C9: variants seen among roughly 807,000 people sequenced by gnomAD.
C9 encodes complement component C9.
Under a neutral mutation model 65.4 loss-of-function variants are expected in C9, and 63 were observed. The observed-to-expected ratio is 0.96, with a 90% CI of 0.79 to 1.19. The LOEUF (loss-of-function observed/expected upper bound fraction) is 1.19. Ranked by LOEUF, C9 falls within the 50% of genes most tolerant of loss-of-function variation. The pLI, the probability that C9 is intolerant of heterozygous loss-of-function variation, is 0.00. For synonymous variants in C9, 229 were observed against 227.9 expected (o/e 1.00, Z -0.04); for missense variants, 744 against 670.1 (o/e 1.11, Z -1.22).
chr5:39,306,320 C>G (rs1386673343), intron 9 of C9, among the ~76,000 whole-genome samples: 3 of 152,070 alleles, frequency 2.0e-5, no homozygotes, highest in African/African-American at 7.2e-5. Context: ...GCTGTATGCT[C>G]TATATAAGCA....
intron 5 of C9, among the ~76,000 whole-genome samples, chr5:39,318,826 C>T (rs932986596): frequency 6.6e-6 from 1 of 152,128 alleles, no homozygotes; most frequent in African/African-American, 2.4e-5. Flanking sequence ...GAAGAAACTG[C>T]CTAGCATAAC....
At chr5:39,349,558 C>T (rs536151728) in intron 1 of C9, among the ~76,000 whole-genome samples, 1 of 152,304 alleles carries the variant, frequency 6.6e-6, no homozygotes, top group Middle Eastern at 3.4e-3. Context: ...TCTAAATTCT[C>T]TTTTCTTTTA....
At chr5:39,331,609 A>T in intron 5 of C9, 67 bp downstream of exon 5, 2 of 1,325,172 alleles carry the variant, frequency 1.5e-6, no homozygotes, top group Non-Finnish European at 2.2e-6. Context: ...ATTGTTTGGT[A>T]CTAAACTTAT....
intron 5 of C9, among the ~76,000 whole-genome samples, chr5:39,326,540 C>T (rs762768457): frequency 2.0e-5 from 3 of 152,136 alleles, no homozygotes; most frequent in Admixed American, 6.6e-5. Flanking sequence ...TTTTGCTCTC[C>T]GGAGTGGCTC....
chr5:39,307,360 T>C (rs1423180134), intron 8 of C9, among the ~76,000 whole-genome samples: 1 of 152,174 alleles, frequency 6.6e-6, no homozygotes, highest in Non-Finnish European at 1.5e-5. Flanking sequence ...TTCAAGATAA[T>C]TTTTGTCATC....
chr5:39,289,590 A>G (rs700181), intron 9 of C9, among the ~76,000 whole-genome samples: 2,682 of 151,914 alleles, frequency 0.018, 95 homozygotes, highest in African/African-American at 0.062. Flanking sequence ...AACCATAGCT[A>G]GATATTTAGC....
intron 9 of C9, among the ~76,000 whole-genome samples, chr5:39,290,697 G>A (rs1431532831): frequency 6.6e-6 from 1 of 151,810 alleles, no homozygotes; most frequent in East Asian, 1.9e-4. Context: ...AATCCAAGAG[G>A]TGGGCCCAGT....
At chr5:39,305,527 A>C (rs1469341421) in intron 9 of C9, among the ~76,000 whole-genome samples, 2 of 152,160 alleles carry the variant, frequency 1.3e-5, no homozygotes, top group Non-Finnish European at 2.9e-5. Context: ...ACCTGAGGAA[A>C]GCAAATTGTA....
At chr5:39,340,280 C>T (rs984321818) in intron 4 of C9, among the ~76,000 whole-genome samples, 1 of 152,250 alleles carries the variant, frequency 6.6e-6, no homozygotes, top group African/African-American at 2.4e-5. Context: ...GAAATAAAGC[C>T]ATATACCATC....
chr5:39,341,571 A>G lies in C9; in HGVS notation c.313T>C (p.Phe105Leu). Residue 105 changes from phenylalanine (F) to leucine (L), a missense_variant, in exon 3 of 11, where the codon TTT becomes CTT. By Grantham distance (22) the Phe-to-Leu change is conservative. Coordinates refer to ENST00000263408, the MANE Select transcript of C9 (RefSeq NM_001737.5). ...EDAEDDCGND[F>L]QCSTGRCIKM... is the part of the protein sequence containing the mutation. ...CAAAGATTACCTGTACTGCATTGAA[A>G]GTCATTTCCGCAGTCATCCTCAGCA... is the stretch of plus-strand genomic sequence containing the variant. 2 of 1,614,146 alleles carry G rather than the reference A, an allele frequency of 1.2e-6. No homozygotes were observed. The highest frequency in any genetic ancestry group is 1.7e-6 in the Non-Finnish European group (2 of 1,179,968).
At chr5:39,293,058 T>A (rs1753125283) in intron 9 of C9, among the ~76,000 whole-genome samples, 1 of 151,712 alleles carries the variant, frequency 6.6e-6, no homozygotes, top group South Asian at 2.1e-4. Context: ...GCATCTCTGG[T>A]GGTTGGAAGG....
intron 1 of C9, among the ~76,000 whole-genome samples, chr5:39,351,143 C>T (rs1391247171): frequency 6.6e-6 from 1 of 152,206 alleles, no homozygotes; most frequent in Non-Finnish European, 1.5e-5. Flanking sequence ...CTGAGCTGTA[C>T]TTGGCCCCTT....
chr5:39,309,528 C>T (rs1336451608), intron 7 of C9, among the ~76,000 whole-genome samples: 2 of 152,042 alleles, frequency 1.3e-5, no homozygotes, highest in Non-Finnish European at 2.9e-5. Context: ...AAATCGAAGA[C>T]AATACTAGAA....
Position 39,311,298 on chromosome 5 carries a change from G to T in C9, c.950C>A (p.Thr317Lys), listed in dbSNP as rs765189711. Residue 317 changes from threonine to lysine, a missense_variant, in exon 7 of 11, where the codon ACA becomes AAA. Thr to Lys is a moderately conservative substitution (Grantham distance 78, BLOSUM62 -1). Transcript: ENST00000263408. ...VMRNRDVVLT[T>K]TFVDDIKALP... is the part of the protein sequence containing the mutation. ...AGCTTTTATATCATCCACAAAAGTT[G>T]TTGTGAGCACAACATCGCGATTTCT... is the stretch of plus-strand genomic sequence containing the variant. 2 of 1,613,592 alleles carry T rather than the reference G, an allele frequency of 1.2e-6. No homozygotes were observed. Among genetic ancestry groups the T allele is most frequent in the Non-Finnish European group, 1.7e-6 (2 of 1,179,634 alleles).
At chr5:39,359,007 AT>A (rs1561357616) in intron 1 of C9, among the ~76,000 whole-genome samples, 130 of 53,666 alleles carry the variant, frequency 2.4e-3, no homozygotes, top group African/African-American at 0.012. Flanking sequence ...AAATAAATAA[AT>A]AAATAAAAAA....
chr5:39,285,565 T>C (rs1381892117), intron 10 of C9, among the ~76,000 whole-genome samples: 1 of 152,170 alleles, frequency 6.6e-6, no homozygotes, highest in East Asian at 1.9e-4. Flanking sequence ...TAGAGGTTTT[T>C]AACCCTGGCT....
intron 5 of C9, among the ~76,000 whole-genome samples, chr5:39,316,407 G>A (rs983018640): frequency 6.6e-6 from 1 of 152,152 alleles, no homozygotes; most frequent in African/African-American, 2.4e-5. Flanking sequence ...TGCTACATAG[G>A]TAAACATGTG....
intron 5 of C9, among the ~76,000 whole-genome samples, chr5:39,325,549 C>T (rs879174312): frequency 7.9e-5 from 12 of 152,018 alleles, no homozygotes; most frequent in Admixed American, 2.6e-4. Context: ...CCGAGGCAGG[C>T]GGATCATGAT....
chr5:39,357,824 T>C (rs778258140), intron 1 of C9, among the ~76,000 whole-genome samples: 9 of 152,056 alleles, frequency 5.9e-5, no homozygotes, highest in Non-Finnish European at 1.3e-4. Context: ...CCTTGATGAG[T>C]AGAAGGCAGA....
Sources: allele counts gnomAD v4.1 joint callset (sites outside exome capture counted in the v4.1 genomes callset), GRCh38; gene constraint gnomAD v4.1.1; transcripts MANE v1.5; gene names NCBI Gene and HGNC (gene_info 2026-07-23, HGNC 2026-07-21).